Variants in ELOVL6 observed in about 807,000 individuals in gnomAD.
The protein encoded by ELOVL6 is very long chain fatty acid elongase 6.
In ELOVL6, 8 loss-of-function variants were observed where a neutral mutation model predicts 31.7. The ratio of observed to expected loss-of-function variants is 0.25; its 90% CI spans 0.15 to 0.45. The LOEUF is 0.45. Among genes scored for constraint, ELOVL6 ranks in the 20% least tolerant of loss-of-function variants. ELOVL6 has a pLI of 1.00. For missense variants in ELOVL6, 126 were observed against 326.4 expected (o/e 0.39, Z 4.73); for synonymous variants, 101 against 117.7 (o/e 0.86, Z 0.92).
At chr4:110,128,167 G>GA (rs1757564040) in intron 1 of ELOVL6, among the ~76,000 whole-genome samples, 1 of 152,150 alleles carries the variant, frequency 6.6e-6, no homozygotes, top group African/African-American at 2.4e-5. Flanking sequence ...GCCTGGCAAA[G>GA]AAAGTGAGAG....
chr4:110,158,657 A>ATATATATATATATATATTTTTTTT, intron 1 of ELOVL6, among the ~76,000 whole-genome samples: 1 of 74,162 alleles, frequency 1.3e-5, no homozygotes. Context: ...ATATATATAT[A>ATATATATATATATATATTTTTTTT]TTTTTTTTTT....
At chr4:110,056,359 C>A (rs185302808) in intron 3 of ELOVL6, among the ~76,000 whole-genome samples, 5 of 152,050 alleles carry the variant, frequency 3.3e-5, no homozygotes, top group Admixed American at 2.6e-4. Flanking sequence ...CTCCAAAATG[C>A]ATGGGAAAAA....
intron 1 of ELOVL6, among the ~76,000 whole-genome samples, chr4:110,106,591 A>G (rs1176519011): frequency 6.6e-6 from 1 of 152,168 alleles, no homozygotes; most frequent in Non-Finnish European, 1.5e-5. Flanking sequence ...TTAGCATATA[A>G]TAAGCAGTGA....
chr4:110,185,094 C>T (rs1464615445), intron 1 of ELOVL6, among the ~76,000 whole-genome samples: 3 of 152,212 alleles, frequency 2.0e-5, no homozygotes, highest in East Asian at 3.8e-4. Context: ...TCTTACCCTA[C>T]ACTTTTCTCT....
At chr4:110,073,457 C>T (rs114910277) in intron 2 of ELOVL6, among the ~76,000 whole-genome samples, 164 of 152,268 alleles carry the variant, frequency 1.1e-3, no homozygotes, top group African/African-American at 3.0e-3. Flanking sequence ...CAATGAATAA[C>T]GCAAACTCAG....
In ELOVL6 at chr4:110,076,584, G is replaced by C. The variant is rs569738334; in HGVS notation, c.222-16830C>G. Among the ~76,000 whole-genome samples, 130 of 152,306 alleles carry C rather than the reference G, an allele frequency of 8.5e-4. 4 individuals carry two copies. The South Asian group carries it at 0.02, about 24-fold the overall frequency. ...CCTCTAGGTTTGTGGAAGTACACAA[G>C]GATAAAGTCACCTAGCGAGGTGGAG... On this transcript the variant is annotated intron_variant, in intron 2 of 3. Transcript: ENST00000302274.
Position 110,084,470 on chromosome 4 carries a change from A to C in ELOVL6, c.221+21027T>G, listed in dbSNP as rs141503063. 2.6e-3 allele frequency among the ~76,000 whole-genome samples: 50 copies of C among 19,258 alleles called. 1 individual carries two copies. The South Asian group carries it at 0.063, about 24-fold the overall frequency. 12.6% of individuals were successfully genotyped at this position (19,258 alleles called of 152,430 possible). A position where few individuals can be genotyped will look rare whatever the true frequency, so the allele number is the denominator to read the frequency against. ...ATCGCATATATCATATATGATATAT[A>C]ACAATATACACTATAATGTATACAC... On this transcript the variant is annotated intron_variant, in intron 2 of 3. Coordinates refer to ENST00000302274, the MANE Select transcript of ELOVL6 (RefSeq NM_024090.3).
intron 2 of ELOVL6, among the ~76,000 whole-genome samples, chr4:110,091,876 C>T (rs1185906732): frequency 4.6e-5 from 7 of 152,272 alleles, no homozygotes; most frequent in Admixed American, 1.3e-4. Context: ...TATTATGCCC[C>T]GGATCAATCA....
intron 1 of ELOVL6, among the ~76,000 whole-genome samples, chr4:110,178,191 T>C (rs889317101): frequency 6.6e-6 from 1 of 152,196 alleles, no homozygotes; most frequent in East Asian, 1.9e-4. Flanking sequence ...ATCCATTCTA[T>C]ATATTTCTTA....
At chr4:110,181,044 G>C (rs772886834) in intron 1 of ELOVL6, among the ~76,000 whole-genome samples, 8 of 152,030 alleles carry the variant, frequency 5.3e-5, no homozygotes, top group Non-Finnish European at 1.2e-4. Context: ...AGGCTGAGGC[G>C]GAAGGATTGC....
intron 2 of ELOVL6, among the ~76,000 whole-genome samples, chr4:110,101,886 G>A (rs1756752601): frequency 6.6e-6 from 1 of 152,008 alleles, no homozygotes; most frequent in Admixed American, 6.6e-5. Context: ...TGTTGCCCAG[G>A]CTGGTCTTAT....
At chr4:110,055,687 G>GAGCT (rs57002433) in intron 3 of ELOVL6, among the ~76,000 whole-genome samples, 5,622 of 151,722 alleles carry the variant, frequency 0.037, 217 homozygotes, top group East Asian at 0.18. Flanking sequence ...CCTCTTCCCA[G>GAGCT]AGCTAGCTAG....
At chr4:110,190,065 C>G (rs1464546554) in intron 1 of ELOVL6, among the ~76,000 whole-genome samples, 1 of 151,506 alleles carries the variant, frequency 6.6e-6, no homozygotes, top group East Asian at 1.9e-4. Context: ...TTCCTTATAT[C>G]ACAACTAGGA....
chr4:110,131,623 T>C (rs1313022357), intron 1 of ELOVL6, among the ~76,000 whole-genome samples: 1 of 151,712 alleles, frequency 6.6e-6, no homozygotes, highest in Non-Finnish European at 1.5e-5. Flanking sequence ...AAGAAAAAAA[T>C]TTTAAAAACT....
rs935239250 is a variant in ELOVL6, at chr4:110,055,274, T to C, written c.374-3512A>G. The stretch of plus-strand genomic sequence containing the variant: ...GTAATTTCAGGCTTTCCAGAAGCTA[T>C]AGAGTGACCCAGAAATGTTAACTAT... On this transcript the variant is annotated intron_variant, in intron 3 of 3. Coordinates refer to ENST00000302274, the MANE Select transcript of ELOVL6 (RefSeq NM_024090.3). 2.0e-5 allele frequency among the ~76,000 whole-genome samples: 3 copies of C among 152,222 alleles called. No homozygotes were observed. In the South Asian group the frequency reaches 6.2e-4, roughly 31 times the overall value.
In ELOVL6 at chr4:110,186,845, T is replaced by A. The variant is rs113560424; in HGVS notation, c.89+11402A>T. Among the ~76,000 whole-genome samples, 38 of 124,296 alleles carry A rather than the reference T, an allele frequency of 3.1e-4. No homozygotes were observed. The East Asian group carries it at 5.5e-3, about 18-fold the overall frequency. 81.5% of individuals were successfully genotyped at this position (124,296 alleles called of 152,430 possible). On this transcript the variant is annotated intron_variant, in intron 1 of 3. Transcript: ENST00000302274. ...AAAATATATATATATATATATATAT[T>A]TATATATATACACACACAAATATAT...
At chr4:110,088,898 T>C (rs550529206) in intron 2 of ELOVL6, among the ~76,000 whole-genome samples, 14 of 152,266 alleles carry the variant, frequency 9.2e-5, no homozygotes, top group Admixed American at 3.9e-4. Context: ...ACTGTATAAA[T>C]TGTTTGTTTC....
At chr4:110,061,675 G>C (rs562970492) in intron 2 of ELOVL6, among the ~76,000 whole-genome samples, 4 of 148,906 alleles carry the variant, frequency 2.7e-5, no homozygotes, top group Non-Finnish European at 4.4e-5. Flanking sequence ...TCCTTCCTCA[G>C]CCTCCCAAGT....
chr4:110,182,656 C>T (rs991285279), intron 1 of ELOVL6, among the ~76,000 whole-genome samples: 2 of 152,116 alleles, frequency 1.3e-5, no homozygotes, highest in African/African-American at 2.4e-5. Flanking sequence ...TGCTTGTAAT[C>T]CCAGCACTGT....
Sources: gnomAD v4.1 joint callset for allele counts (sites outside exome capture counted in the v4.1 genomes callset) on GRCh38, gnomAD v4.1.1 for gene constraint, MANE v1.5 for transcripts, NCBI Gene and HGNC (gene_info 2026-07-23, HGNC 2026-07-21) for gene names.